STK38: variants seen among roughly 807,000 people sequenced by gnomAD.
The protein encoded by STK38 is serine/threonine-protein kinase 38.
In STK38, 26 loss-of-function variants were observed where a neutral mutation model predicts 59.0. The ratio of observed to expected loss-of-function variants is 0.44; its 90% CI spans 0.32 to 0.61. The LOEUF is 0.61. Ranked by LOEUF, STK38 falls within the 20% of genes least tolerant of loss-of-function variation. STK38 has a pLI of 0.04. For missense variants in STK38, 433 were observed against 566.0 expected, an observed-to-expected ratio of 0.76 and a Z score of 2.38; for synonymous variants, 175 against 176.6, an observed-to-expected ratio of 0.99 and a Z score of 0.07.
intron 2 of STK38, among the ~76,000 whole-genome samples, chr6:36,535,614 A>G (rs1219345540): frequency 6.6e-6 from 1 of 152,206 alleles, no homozygotes; most frequent in African/African-American, 2.4e-5. Flanking sequence ...GCAGTGGCTC[A>G]TACCTATAAT....
At chr6:36,519,860 GATGTC>G (rs753085583) in intron 5 of STK38, among the ~76,000 whole-genome samples, 2 of 152,142 alleles carry the variant, frequency 1.3e-5, no homozygotes, top group Non-Finnish European at 2.9e-5. Flanking sequence ...AAGCTAGTTA[GATGTC>G]ATGTCTTACC....
At chr6:36,516,500 T>C (rs1403198198) in intron 6 of STK38, among the ~76,000 whole-genome samples, 3 of 152,208 alleles carry the variant, frequency 2.0e-5, no homozygotes, top group East Asian at 1.9e-4. Flanking sequence ...GAACATTATG[T>C]TTTGTATTAT....
chr6:36,520,122 G>A (rs1380621759), intron 5 of STK38, among the ~76,000 whole-genome samples: 2 of 152,196 alleles, frequency 1.3e-5, no homozygotes, highest in Non-Finnish European at 2.9e-5. Context: ...AAGCCAGGTA[G>A]AGTCTGTGGC....
intron 2 of STK38, among the ~76,000 whole-genome samples, chr6:36,533,147 C>A (rs558506998): frequency 6.6e-6 from 1 of 151,542 alleles, no homozygotes; most frequent in East Asian, 1.9e-4. Flanking sequence ...AGTACTAGTG[C>A]ATTGTTGTTT....
Position 36,543,681 on chromosome 6 carries a change from G to A in STK38, c.-5-3474C>T, listed in dbSNP as rs569374828. Among the ~76,000 whole-genome samples the A allele has an allele frequency of 5.3e-5, 8 of 152,062 alleles. No individual in the cohort carries two copies. The South Asian group carries it at 6.2e-4, about 12-fold the overall frequency. ...TTTGGAAATGGAGTCTCACTCTGTC[G>A]CCCAGGCTGGAGTGCAATGGCACAA... On this transcript the variant is annotated intron_variant, in intron 1 of 13. Coordinates refer to ENST00000229812, the MANE Select transcript of STK38 (RefSeq NM_007271.4).
At chr6:36,534,694 T>C (rs1454031814) in intron 2 of STK38, among the ~76,000 whole-genome samples, 1 of 151,902 alleles carries the variant, frequency 6.6e-6, no homozygotes, top group Non-Finnish European at 1.5e-5. Context: ...AATTAGAACA[T>C]AAGGAAACTG....
intron 9 of STK38, among the ~76,000 whole-genome samples, chr6:36,501,474 G>A (rs957139598): frequency 3.0e-4 from 45 of 151,498 alleles, no homozygotes; most frequent in Non-Finnish European, 5.2e-4. Flanking sequence ...ACAGAAAAAA[G>A]GAACAGACAA....
At chr6:36,529,843 C>G (rs796169547) in intron 2 of STK38, among the ~76,000 whole-genome samples, 1 of 152,126 alleles carries the variant, frequency 6.6e-6, no homozygotes, top group South Asian at 2.1e-4. Context: ...CTTGGCATAG[C>G]CTGATTTGGA....
intron 2 of STK38, among the ~76,000 whole-genome samples, chr6:36,537,685 C>T (rs1392643950): frequency 3.3e-5 from 5 of 152,030 alleles, no homozygotes; most frequent in Non-Finnish European, 5.9e-5. Context: ...ATCACTTGAA[C>T]CCCGGAGTTC....
rs754433322 is a variant in STK38 at position 36,540,175 on chromosome 6, A to G, written c.28T>C (p.Ser10Pro). 6.2e-7 allele frequency: 1 copy of G among 1,614,058 alleles called. No homozygotes were observed. The highest frequency in any genetic ancestry group is 8.5e-7 in the Non-Finnish European group (1 of 1,179,972). The change falls in exon 2 of 14, where the codon TCA (serine) becomes CCA (proline). Residue 10 changes from serine to proline, a missense_variant. Physicochemically the swap from Ser to Pro is moderately conservative, Grantham distance 74. Transcript: ENST00000229812. MAMTGSTPC[S>P]SMSNHTKERV... ...TCCTTTGTGTGGTTACTCATGGATG[A>G]GCAAGGTGTTGAGCCTGTCATTGCC...
chr6:36,525,131 T>C (rs1052345530), intron 3 of STK38, among the ~76,000 whole-genome samples: 2 of 152,144 alleles, frequency 1.3e-5, no homozygotes, highest in African/African-American at 4.8e-5. Flanking sequence ...CATGCGGAGC[T>C]TAAAACCTAG....
In STK38 at chr6:36,499,920, A is replaced by G; in HGVS notation, c.905T>C (p.Leu302Pro). ...CACCCCAAGCGACCACCAATCACAG[A>G]GCTTGTTGTACCCGGTCTGCATGAA... ...EVFMQTGYNK[L>P]CDWWSLGVIM... The change falls in exon 10 of 14, where the codon CTC becomes CCC. Residue 302 changes from leucine (L) to proline (P), a missense_variant. Leu to Pro is a moderately conservative substitution (Grantham distance 98). This residue lies in a region of STK38 where 293 missense variants were observed against 388.2 expected (regional missense o/e 0.75). Transcript: ENST00000229812. The G allele has an allele frequency of 1.2e-6, 2 of 1,614,088 alleles. No individual in the cohort carries two copies. The highest frequency in any genetic ancestry group is 2.2e-5 in the East Asian group (1 of 44,868).
chr6:36,541,497 C>A (rs1777936688), intron 1 of STK38, among the ~76,000 whole-genome samples: 1 of 152,112 alleles, frequency 6.6e-6, no homozygotes, highest in South Asian at 2.1e-4. Flanking sequence ...CAAGGAGGTG[C>A]AATGCAGCAT....
chr6:36,497,992 T>C lies in STK38; in HGVS notation c.1077-117A>G, dbSNP rs143033074. 822 of 695,040 alleles carry C rather than the reference T, an allele frequency of 1.2e-3. 9 individuals are homozygous for C. In the African/African-American group the frequency reaches 0.013, roughly 11 times the overall value. 43.1% of individuals were successfully genotyped at this position (695,040 alleles called of 1,614,324 possible). A position where few individuals can be genotyped will look rare whatever the true frequency, so the allele number is the denominator to read the frequency against. On this transcript the variant is annotated intron_variant, in intron 11 of 13. Transcript: ENST00000229812. ...TCTCACTCTGTCACCCAGGCTGGAGTGCAGTAGCACAATCATGGCTCACTG... is the reference window on the plus strand; with the variant it reads ...TCTCACTCTGTCACCCAGGCTGGAGCGCAGTAGCACAATCATGGCTCACTG...
At chr6:36,515,573 C>G in intron 6 of STK38, 81 bp from the exon 7 acceptor site, 1 of 1,579,980 alleles carries the variant, frequency 6.3e-7, no homozygotes, top group African/African-American at 1.4e-5. Flanking sequence ...GAGTGAGTAC[C>G]AATTTTCAGA....
chr6:36,541,420 T>C (rs79978861), intron 1 of STK38, among the ~76,000 whole-genome samples: 4,147 of 152,178 alleles, frequency 0.027, 197 homozygotes, highest in African/African-American at 0.092. Context: ...ACAGTATGCA[T>C]ACAGTACAAT....
intron 1 of STK38, among the ~76,000 whole-genome samples, chr6:36,543,843 A>G (rs534107067): frequency 5.3e-5 from 8 of 152,236 alleles, no homozygotes; most frequent in Admixed American, 5.2e-4. Flanking sequence ...TATGTTGGCC[A>G]GGCTAGTCTT....
chr6:36,514,846 C>T (rs1777210276), intron 7 of STK38, among the ~76,000 whole-genome samples: 2 of 93,000 alleles, frequency 2.2e-5, no homozygotes, highest in South Asian at 7.1e-4. Flanking sequence ...GAGACTTCAT[C>T]TCAAAAAAAA....
rs748010855 is a variant in STK38, at chr6:36,506,652, T to A, written c.773-8A>T. 6.2e-7 allele frequency: 1 copy of A among 1,612,098 alleles called. No individual in the cohort carries two copies. Among genetic ancestry groups the A allele is most frequent in the Non-Finnish European group, 8.5e-7 (1 of 1,179,528 alleles). On this transcript the variant is annotated splice_region_variant and splice_polypyrimidine_tract_variant and intron_variant, in intron 8 of 13. Coordinates refer to ENST00000229812, the MANE Select transcript of STK38 (RefSeq NM_007271.4). ...AATTCATGTTCTGGAAAGCTGAAAG[T>A]AAAGAATACAAGCTGCAGTCAAAGT...
Sources: allele counts gnomAD v4.1 joint callset (sites outside exome capture counted in the v4.1 genomes callset), GRCh38; gene constraint gnomAD v4.1.1; regional missense constraint gnomAD v4.1.1; transcripts MANE v1.5; gene names NCBI Gene and HGNC (gene_info 2026-07-23, HGNC 2026-07-21).